The following SLC28A3 variants were observed in gnomAD, a reference collection of about 807,000 sequenced individuals.
The protein encoded by SLC28A3 is concentrative Na(+)-nucleoside cotransporter 3.
In SLC28A3, 68 loss-of-function variants were observed where a neutral mutation model predicts 84.2. The observed-to-expected ratio is 0.81, with a 90% CI of 0.66 to 0.99. The LOEUF is 0.99. Among genes scored for constraint, SLC28A3 ranks in the 50% least tolerant of loss-of-function variants. SLC28A3 has a pLI of 0.00. For synonymous variants in SLC28A3, 267 were observed against 303.6 expected (o/e 0.88, Z 1.25); for missense variants, 712 against 841.5 (o/e 0.85, Z 1.90).
chr9:84,363,743 A>G, the SLC28A3 span, among the ~76,000 whole-genome samples: 3 of 151,886 alleles, frequency 2.0e-5, no homozygotes, highest in Non-Finnish European at 2.9e-5. Context: ...AATAAATTGC[A>G]CATGTGATTA....
chr9:84,291,582 C>T (rs1314899021), intron 10 of SLC28A3, among the ~76,000 whole-genome samples: 7 of 152,158 alleles, frequency 4.6e-5, no homozygotes, highest in African/African-American at 1.2e-4. Flanking sequence ...GTGATCTGCC[C>T]GCCTTGGCCT....
intron 8 of SLC28A3, among the ~76,000 whole-genome samples, chr9:84,295,607 A>AAAC (rs1010178969): frequency 3.4e-5 from 5 of 148,248 alleles, no homozygotes; most frequent in Admixed American, 1.3e-4. Context: ...ACAAACAAAC[A>AAAC]AAACAAACAA....
At chr9:84,300,502 A>G (rs1336356582) in intron 5 of SLC28A3, among the ~76,000 whole-genome samples, 1 of 152,248 alleles carries the variant, frequency 6.6e-6, no homozygotes. Context: ...GGAGCCCAGC[A>G]AGCATGACAA....
At chr9:84,279,850 G>A in intron 16 of SLC28A3, 125 bp downstream of exon 16, 2 of 851,404 alleles carry the variant, frequency 2.3e-6, no homozygotes, top group Non-Finnish European at 3.6e-6. Flanking sequence ...GTATGCTTAA[G>A]AGCAGCTCTA....
At chr9:84,334,071 A>T (rs892274082) in intron 1 of SLC28A3, among the ~76,000 whole-genome samples, 1 of 152,176 alleles carries the variant, frequency 6.6e-6, no homozygotes, top group Non-Finnish European at 1.5e-5. Flanking sequence ...TTGGGAGGCC[A>T]AGGCGGGTGG....
intron 1 of SLC28A3, among the ~76,000 whole-genome samples, chr9:84,340,276 A>G (rs1827113305): frequency 6.6e-6 from 1 of 152,186 alleles, no homozygotes; most frequent in South Asian, 2.1e-4. Flanking sequence ...TCTTTGGAAA[A>G]GTGCCTGAAG....
chr9:84,354,731 C>G, the SLC28A3 span, among the ~76,000 whole-genome samples: 1 of 151,864 alleles, frequency 6.6e-6, no homozygotes, highest in Non-Finnish European at 1.5e-5. Context: ...CCTGTAATCC[C>G]AGCTACTCGA....
chr9:84,310,665 G>A (rs149823852), intron 2 of SLC28A3: 59 of 871,874 alleles, frequency 6.8e-5, no homozygotes, highest in Middle Eastern at 1.2e-3. Flanking sequence ...ATAATTCCAC[G>A]AGGCCAAACT....
At position 84,285,527 on chromosome 9, in the gene SLC28A3, T is replaced by A; in HGVS notation, c.1465A>T (p.Ile489Phe). The change falls in exon 14 of 18, where the codon ATC becomes TTC. Residue 489 changes from isoleucine to phenylalanine, a missense_variant. Coordinates refer to ENST00000376238, the MANE Select transcript of SLC28A3 (RefSeq NM_001199633.2). Reference sequence around the variant, plus strand: ...ATCATGAAGGAAAAGGGCATGAAGATGTAGGAGCAGATTAGCTACAGAAAC... The same window carrying A: ...ATCATGAAGGAAAAGGGCATGAAGAAGTAGGAGCAGATTAGCTACAGAAAC... ...QLSFELICSYIFMPFSFMMGV... is the reference protein window; with the variant it reads ...QLSFELICSYFFMPFSFMMGV... 1.9e-6 allele frequency: 3 copies of A among 1,614,162 alleles called. No homozygotes were observed.
intron 1 of SLC28A3, among the ~76,000 whole-genome samples, chr9:84,319,113 A>G (rs1012426579): frequency 6.6e-6 from 1 of 152,216 alleles, no homozygotes; most frequent in Non-Finnish European, 1.5e-5. Flanking sequence ...AAGGGGAAGG[A>G]AAAGAAAACG....
chr9:84,342,432 TTGTG>T (rs59071405), upstream of SLC28A3, among the ~76,000 whole-genome samples: 3 of 150,662 alleles, frequency 2.0e-5, no homozygotes, highest in Admixed American at 1.3e-4. Flanking sequence ...AAGTAGATTC[TTGTG>T]TGTGTGTGTG....
intron 6 of SLC28A3, among the ~76,000 whole-genome samples, chr9:84,298,258 G>A (rs984604235): frequency 8.5e-5 from 13 of 152,130 alleles, no homozygotes; most frequent in African/African-American, 3.1e-4. Context: ...AGGCCAAAAT[G>A]GGCAGATCAC....
At chr9:84,312,178 CT>C (rs1225414078) in intron 2 of SLC28A3, among the ~76,000 whole-genome samples, 4 of 152,174 alleles carry the variant, frequency 2.6e-5, no homozygotes, top group African/African-American at 9.7e-5. Context: ...AATAAAGCTG[CT>C]CTAAACATCC....
the SLC28A3 span, among the ~76,000 whole-genome samples, chr9:84,358,893 C>T: frequency 6.6e-6 from 1 of 152,154 alleles, no homozygotes; most frequent in Non-Finnish European, 1.5e-5. Flanking sequence ...ACCTCTGCCG[C>T]CCAGGCTCAA....
chr9:84,352,905 A>AC, the SLC28A3 span, among the ~76,000 whole-genome samples: 1 of 151,176 alleles, frequency 6.6e-6, no homozygotes, highest in African/African-American at 2.4e-5. Flanking sequence ...AAAAAAAAAA[A>AC]AAAAAAAAAA....
chr9:84,288,313 G>C, intron 11 of SLC28A3, 135 bp from the exon 12 acceptor site: 1 of 1,317,642 alleles, frequency 7.6e-7, no homozygotes. Flanking sequence ...TTTCTTTGGA[G>C]GTCTGGAAGA....
At position 84,340,611 on chromosome 9, in the gene SLC28A3, G is replaced by T. The variant is rs1465514587; in HGVS notation, c.23C>A (p.Ala8Asp). The T allele has an allele frequency of 6.2e-7, 1 of 1,614,042 alleles. No individual in the cohort carries two copies. Among genetic ancestry groups the T allele is most frequent in the Admixed American group, 1.7e-5 (1 of 60,010 alleles). The change falls in exon 1 of 18, where the codon GCC becomes GAC. Residue 8 changes from alanine (A) to aspartate (D), a missense_variant. Physicochemically the swap from Ala to Asp is moderately radical, Grantham distance 126. Transcript: ENST00000376238. The stretch of plus-strand genomic sequence containing the variant: ...GTTGCTGTAGCCCTCAGCTCTGGGG[G>T]CTGCTGTACTCCTCAGCTCCATGCT... Reference protein sequence around the residue: MELRSTAAPRAEGYSNVG... With the variant: MELRSTADPRAEGYSNVG...
At chr9:84,316,114 G>T (rs1826162823) in intron 1 of SLC28A3, among the ~76,000 whole-genome samples, 1 of 152,168 alleles carries the variant, frequency 6.6e-6, no homozygotes, top group Non-Finnish European at 1.5e-5. Context: ...CCTGGGGTTT[G>T]TTTCCCACCA....
chr9:84,277,833 G>GAGTC lies in SLC28A3; in HGVS notation c.*381_*384dup, dbSNP rs1824578295. 1 of 173,576 alleles carries GAGTC rather than the reference G, an allele frequency of 5.8e-6. No individual in the cohort carries two copies. The highest frequency in any genetic ancestry group is 2.4e-5 in the African/African-American group (1 of 42,394). The allele number at this position is 173,576 out of a possible 1,614,324, so 10.8% of individuals were successfully genotyped here. A position where few individuals can be genotyped will look rare whatever the true frequency, so the allele number is the denominator to read the frequency against. On this transcript the variant is annotated 3_prime_UTR_variant, in exon 18 of 18. Transcript: ENST00000376238. ...ACCTCACCTGAGATGTGCTTAAACT[G>GAGTC]AGTCACCCTGGACTACTTAGTGGAC... is the stretch of plus-strand genomic sequence containing the variant.
Sources: allele counts gnomAD v4.1 joint callset (sites outside exome capture counted in the v4.1 genomes callset), GRCh38; gene constraint gnomAD v4.1.1; transcripts MANE v1.5; gene names NCBI Gene and HGNC (gene_info 2026-07-23, HGNC 2026-07-21).